Variants in MRTFA observed in about 807,000 individuals in gnomAD.
MRTFA encodes the protein myocardin-related transcription factor A.
In MRTFA, 20 loss-of-function variants were observed where a neutral mutation model predicts 83.5. The ratio of observed to expected loss-of-function variants is 0.24; its 90% CI spans 0.17 to 0.35. The LOEUF is 0.35. Ranked by LOEUF, MRTFA falls within the 10% of genes least tolerant of loss-of-function variation. The pLI, the probability that MRTFA is intolerant of heterozygous loss-of-function variation, is 1.00. For missense variants in MRTFA, 1,200 were observed against 1,224.7 expected (o/e 0.98, Z 0.30); for synonymous variants, 659 against 541.2 (o/e 1.22, Z -3.02).
chr22:40,511,921 T>G (rs2054674511), intron 3 of MRTFA, among the ~76,000 whole-genome samples: 1 of 152,244 alleles, frequency 6.6e-6, no homozygotes, highest in African/African-American at 2.4e-5. Context: ...CTTTTAAGGC[T>G]GTGCACTATC....
At chr22:40,594,771 T>C (rs1163979764) in intron 1 of MRTFA, 36 bp from the exon 2 acceptor site, 2 of 151,674 alleles carry the variant, frequency 1.3e-5, no homozygotes, top group African/African-American at 4.8e-5. Flanking sequence ...GTTCATGCAA[T>C]ATAAACAGTT....
chr22:40,518,203 C>T (rs1569307741), intron 3 of MRTFA, among the ~76,000 whole-genome samples: 1 of 152,088 alleles, frequency 6.6e-6, no homozygotes, highest in African/African-American at 2.4e-5. Flanking sequence ...TGAGGAGAGG[C>T]TTGTGGAAAC....
intron 7 of MRTFA, among the ~76,000 whole-genome samples, chr22:40,426,511 G>A (rs2052956974): frequency 6.6e-6 from 1 of 152,080 alleles, no homozygotes; most frequent in African/African-American, 2.4e-5. Context: ...GTTTTTGCTG[G>A]CAAATGCTCT....
At chr22:40,533,439 A>G (rs761902576) in intron 3 of MRTFA, among the ~76,000 whole-genome samples, 3 of 152,246 alleles carry the variant, frequency 2.0e-5, no homozygotes, top group Non-Finnish European at 2.9e-5. Flanking sequence ...AGAAAAATTA[A>G]TAAAAAACTG....
intron 3 of MRTFA, among the ~76,000 whole-genome samples, chr22:40,471,793 A>G (rs978437832): frequency 6.6e-6 from 1 of 152,144 alleles, no homozygotes; most frequent in Non-Finnish European, 1.5e-5. Flanking sequence ...AATCACTTGA[A>G]TCTGGGAGGT....
intron 4 of MRTFA, among the ~76,000 whole-genome samples, chr22:40,447,517 G>A (rs1252398573): frequency 1.3e-5 from 2 of 152,142 alleles, no homozygotes; most frequent in South Asian, 2.1e-4. Flanking sequence ...CAGGGTGGCA[G>A]AAAACAAGAA....
chr22:40,481,968 G>A (rs1283104985), intron 3 of MRTFA, among the ~76,000 whole-genome samples: 1 of 151,714 alleles, frequency 6.6e-6, no homozygotes, highest in African/African-American at 2.4e-5. Flanking sequence ...GCTGAGGCAG[G>A]AGAGTCGCTG....
At position 40,555,119 on chromosome 22, in the gene MRTFA, ACTTAT is replaced by A. The variant is rs2055501248; in HGVS notation, c.-21-2757_-21-2753del. 2.0e-5 allele frequency among the ~76,000 whole-genome samples: 3 copies of A among 152,220 alleles called. No individual in the cohort carries two copies. In the South Asian group the frequency reaches 6.2e-4, roughly 31 times the overall value. On this transcript the variant is annotated intron_variant, in intron 2 of 14. Transcript: ENST00000355630. ...TTTTACAGGCTCATAGGTGGAAGGA[ACTTAT>A]CTCCAGATGAGACTTTGGACCTTTG...
chr22:40,483,507 A>G (rs912406432), intron 3 of MRTFA, among the ~76,000 whole-genome samples: 1 of 151,636 alleles, frequency 6.6e-6, no homozygotes, highest in Admixed American at 6.6e-5. Context: ...AACATGGTGA[A>G]ACCCCATCTC....
intron 2 of MRTFA, among the ~76,000 whole-genome samples, chr22:40,559,052 G>T (rs1208981910): frequency 6.6e-6 from 1 of 152,140 alleles, no homozygotes; most frequent in Non-Finnish European, 1.5e-5. Flanking sequence ...AAAGTGCTAG[G>T]ATTACAAGTG....
chr22:40,430,860 C>CAAAAAAA (rs1171650702), intron 6 of MRTFA, among the ~76,000 whole-genome samples: 5 of 34,960 alleles, frequency 1.4e-4, no homozygotes, highest in East Asian at 6.6e-4. Context: ...GACTCCATCA[C>CAAAAAAA]AAAAAAAAAA....
At chr22:40,597,796 T>G (rs1418464979) in intron 1 of MRTFA, among the ~76,000 whole-genome samples, 2 of 152,208 alleles carry the variant, frequency 1.3e-5, no homozygotes, top group Non-Finnish European at 2.9e-5. Flanking sequence ...ACAGGCATTT[T>G]GAAAGTCTGT....
intron 3 of MRTFA, among the ~76,000 whole-genome samples, chr22:40,506,518 T>C (rs1392666346): frequency 6.6e-6 from 1 of 152,200 alleles, no homozygotes; most frequent in Non-Finnish European, 1.5e-5. Context: ...ACTGTGGTAT[T>C]TATCCCCAAT....
At chr22:40,600,081 T>TGTG (rs1169892793) in intron 1 of MRTFA, among the ~76,000 whole-genome samples, 1 of 151,458 alleles carries the variant, frequency 6.6e-6, no homozygotes, top group African/African-American at 2.4e-5. Context: ...TTTTTGGAAT[T>TGTG]GTGGTTTTTA....
chr22:40,622,677 G>A (rs1159564718), intron 1 of MRTFA, among the ~76,000 whole-genome samples: 1 of 152,126 alleles, frequency 6.6e-6, no homozygotes, highest in Non-Finnish European at 1.5e-5. Flanking sequence ...GGTGGAAGAG[G>A]TAAAGACCAG....
intron 4 of MRTFA, among the ~76,000 whole-genome samples, chr22:40,457,964 T>A (rs1156537426): frequency 3.3e-5 from 5 of 152,216 alleles, no homozygotes; most frequent in Admixed American, 3.3e-4. Flanking sequence ...AGAACGTTTT[T>A]CTTAAATTTT....
chr22:40,505,667 A>G (rs2054568209), intron 3 of MRTFA, among the ~76,000 whole-genome samples: 1 of 152,232 alleles, frequency 6.6e-6, no homozygotes, highest in Non-Finnish European at 1.5e-5. Context: ...TAAAGCCCTT[A>G]TTAAAGAGGC....
At chr22:40,571,526 T>C (rs536235481) in intron 2 of MRTFA, among the ~76,000 whole-genome samples, 2 of 152,216 alleles carry the variant, frequency 1.3e-5, no homozygotes, top group East Asian at 3.9e-4. Flanking sequence ...TTACAAATCA[T>C]ACAACTGATA....
At chr22:40,572,541 T>C (rs2055810883) in intron 2 of MRTFA, among the ~76,000 whole-genome samples, 2 of 152,110 alleles carry the variant, frequency 1.3e-5, no homozygotes, top group South Asian at 4.2e-4. Flanking sequence ...AGTCTGTGAA[T>C]TTTATCTCAG....
Sources: gnomAD v4.1 joint callset for allele counts (sites outside exome capture counted in the v4.1 genomes callset) on GRCh38, gnomAD v4.1.1 for gene constraint, MANE v1.5 for transcripts, NCBI Gene and HGNC (gene_info 2026-07-23, HGNC 2026-07-21) for gene names.